The following SOX5 variants were observed in gnomAD, a reference collection of about 807,000 sequenced individuals.
SOX5 encodes the protein transcription factor SOX-5.
Under a neutral mutation model 92.0 loss-of-function variants are expected in SOX5, and 9 were observed. That is an observed-to-expected ratio of 0.10 (90% CI 0.06 to 0.17). The LOEUF is 0.17. Among genes scored for constraint, SOX5 ranks in the 10% least tolerant of loss-of-function variants. SOX5 has a pLI of 1.00. For synonymous variants in SOX5, 344 were observed against 336.3 expected, an observed-to-expected ratio of 1.02 and a Z score of -0.25; for missense variants, 642 against 944.5, an observed-to-expected ratio of 0.68 and a Z score of 4.20.
intron 14 of SOX5, 24 bp downstream of exon 14, chr12:23,536,429 G>A (rs1015018402): frequency 1.3e-6 from 2 of 1,588,006 alleles, no homozygotes; most frequent in African/African-American, 1.3e-5. Context: ...TGCCCCATGA[G>A]AAAAATGACT....
intron 3 of SOX5, among the ~76,000 whole-genome samples, chr12:23,825,240 T>C (rs955120124): frequency 1.3e-5 from 2 of 152,220 alleles, no homozygotes; most frequent in African/African-American, 2.4e-5. Context: ...GGGAATCTCC[T>C]GGTCTGCAGG....
Position 23,534,381 on chromosome 12 carries a change from C to G in SOX5, c.2130G>C (p.Gln710His). 4 of 1,614,164 alleles carry G rather than the reference C, an allele frequency of 2.5e-6. No individual in the cohort carries two copies. The highest frequency in any genetic ancestry group is 3.4e-6 in the Non-Finnish European group (4 of 1,180,042). The change falls in exon 15 of 15, where the codon CAG becomes CAC. Residue 710 changes from glutamine to histidine, a missense_variant. By Grantham distance (24) the Gln-to-His change is conservative. Coordinates refer to ENST00000451604, the MANE Select transcript of SOX5 (RefSeq NM_006940.6). ...SSPEPGMPVI[Q>H]STYGVKGEEP... ...CCTCTCCTTTCACACCGTAAGTGCTCTGGATAACAGGCATCCCAGGCTCTG... is the reference window on the plus strand; with the variant it reads ...CCTCTCCTTTCACACCGTAAGTGCTGTGGATAACAGGCATCCCAGGCTCTG...
intron 1 of SOX5, among the ~76,000 whole-genome samples, chr12:23,913,503 C>T (rs530166835): frequency 1.4e-4 from 22 of 151,916 alleles, no homozygotes; most frequent in African/African-American, 5.3e-4. Context: ...TTTGGGAGGC[C>T]GAGGCAGGAG....
chr12:23,757,570 T>C (rs1166819951), intron 3 of SOX5, among the ~76,000 whole-genome samples: 1 of 151,954 alleles, frequency 6.6e-6, no homozygotes, highest in African/African-American at 2.4e-5. Flanking sequence ...CACCACTGTC[T>C]CTTTTTTCCA....
At chr12:24,376,898 A>G (rs1197288854) in intron 1 of SOX5, among the ~76,000 whole-genome samples, 8 of 143,484 alleles carry the variant, frequency 5.6e-5, no homozygotes, top group African/African-American at 2.1e-4. Context: ...TTTTGTAGAG[A>G]TGGGGTTTTA....
intron 1 of SOX5, among the ~76,000 whole-genome samples, chr12:24,553,762 T>A (rs767908974): frequency 6.6e-6 from 1 of 152,166 alleles, no homozygotes; most frequent in Non-Finnish European, 1.5e-5. Flanking sequence ...CAAGGAGTGA[T>A]AGGTAAAAGG....
chr12:24,356,726 T>C (rs1169971858), intron 2 of SOX5, among the ~76,000 whole-genome samples: 2 of 152,206 alleles, frequency 1.3e-5, no homozygotes, highest in Admixed American at 6.5e-5. Context: ...CTTTCCTTAA[T>C]ACTGAATTTT....
intron 4 of SOX5, among the ~76,000 whole-genome samples, chr12:24,081,735 A>G (rs1317297526): frequency 6.6e-6 from 1 of 152,036 alleles, no homozygotes. Flanking sequence ...TTGTGACTTC[A>G]GACAGTGCTT....
At chr12:23,924,822 GA>G (rs372320346) in intron 1 of SOX5, among the ~76,000 whole-genome samples, 5 of 150,628 alleles carry the variant, frequency 3.3e-5, no homozygotes, top group South Asian at 2.1e-4. Context: ...ATTTTTAACT[GA>G]AAAAAAAAGT....
intron 3 of SOX5, among the ~76,000 whole-genome samples, chr12:23,831,990 A>G (rs2096333351): frequency 6.6e-6 from 1 of 151,924 alleles, no homozygotes; most frequent in South Asian, 2.1e-4. Context: ...ACACAGAGGC[A>G]CATGCGCACA....
intron 1 of SOX5, among the ~76,000 whole-genome samples, chr12:24,465,598 T>C (rs1278883624): frequency 6.6e-6 from 1 of 152,188 alleles, no homozygotes; most frequent in Non-Finnish European, 1.5e-5. Flanking sequence ...CGGACACATA[T>C]GAGACCTGGA....
chr12:23,937,868 T>A (rs1427214926), intron 1 of SOX5, among the ~76,000 whole-genome samples: 1 of 150,966 alleles, frequency 6.6e-6, no homozygotes, highest in African/African-American at 2.4e-5. Flanking sequence ...ATAAAAGTAA[T>A]ACCATTCTTA....
intron 1 of SOX5, among the ~76,000 whole-genome samples, chr12:24,469,666 T>C (rs1346925858): frequency 6.6e-6 from 1 of 152,200 alleles, no homozygotes; most frequent in Non-Finnish European, 1.5e-5. Context: ...TAGATATCTA[T>C]TCTCTGTGGA....
chr12:23,922,170 T>C (rs1938491974), intron 1 of SOX5, among the ~76,000 whole-genome samples: 1 of 152,150 alleles, frequency 6.6e-6, no homozygotes, highest in Non-Finnish European at 1.5e-5. Flanking sequence ...TTCACTCCTT[T>C]CTGGTACACC....
intron 3 of SOX5, among the ~76,000 whole-genome samples, chr12:24,270,516 T>C (rs548719534): frequency 1.2e-4 from 19 of 152,168 alleles, no homozygotes; most frequent in Non-Finnish European, 2.4e-4. Context: ...CTCTATTATT[T>C]TAAGATTTAT....
At chr12:24,071,985 A>G (rs1941853961) in intron 4 of SOX5, among the ~76,000 whole-genome samples, 1 of 152,236 alleles carries the variant, frequency 6.6e-6, no homozygotes, top group Non-Finnish European at 1.5e-5. Flanking sequence ...AAACCGAAGC[A>G]CAAAGTAACC....
At chr12:24,561,635 A>G (rs1312275837) in intron 1 of SOX5, among the ~76,000 whole-genome samples, 3 of 151,786 alleles carry the variant, frequency 2.0e-5, no homozygotes, top group African/African-American at 4.8e-5. Flanking sequence ...AGGTGGGGGG[A>G]AAAAGTAGTT....
chr12:23,748,459 A>G (rs147930316), intron 4 of SOX5, among the ~76,000 whole-genome samples: 6 of 152,148 alleles, frequency 3.9e-5, no homozygotes, highest in Middle Eastern at 3.4e-3. Flanking sequence ...TATTTCCCCA[A>G]TATTGTTTTA....
chr12:23,709,192 C>A (rs2140333782), intron 6 of SOX5, among the ~76,000 whole-genome samples: 1 of 152,212 alleles, frequency 6.6e-6, no homozygotes, highest in East Asian at 1.9e-4. Flanking sequence ...GCCTCTAACT[C>A]CTCAGCTCAA....
Sources: gnomAD v4.1 joint callset for allele counts (sites outside exome capture counted in the v4.1 genomes callset) on GRCh38, gnomAD v4.1.1 for gene constraint, MANE v1.5 for transcripts, NCBI Gene and HGNC (gene_info 2026-07-23, HGNC 2026-07-21) for gene names.